KBTBD2: variants seen among roughly 807,000 people sequenced by gnomAD.
KBTBD2 encodes the protein kelch repeat and BTB domain-containing protein 2.
A neutral mutation model predicts 57.1 loss-of-function variants in KBTBD2; 17 were observed. The ratio of observed to expected loss-of-function variants is 0.30; its 90% CI spans 0.20 to 0.45. KBTBD2 has a LOEUF of 0.45. Ranked by LOEUF, KBTBD2 falls within the 20% of genes least tolerant of loss-of-function variation. The pLI is 1.00. For missense variants in KBTBD2, 515 were observed against 750.6 expected, an observed-to-expected ratio of 0.69 and a Z score of 3.67; for synonymous variants, 267 against 262.7, an observed-to-expected ratio of 1.02 and a Z score of -0.16.
At chr7:32,889,426 C>G (rs531977946) in intron 1 of KBTBD2, among the ~76,000 whole-genome samples, 2 of 151,610 alleles carry the variant, frequency 1.3e-5, no homozygotes, top group African/African-American at 4.8e-5. Context: ...CATGGTGAAC[C>G]CTCATCTCTA....
At chr7:32,878,663 G>C (rs1353683779) in intron 2 of KBTBD2, among the ~76,000 whole-genome samples, 1 of 151,778 alleles carries the variant, frequency 6.6e-6, no homozygotes, top group East Asian at 1.9e-4. Flanking sequence ...AATATTTGTA[G>C]TAGAAATATA....
Position 32,879,657 on chromosome 7 carries a change from G to C in KBTBD2, c.-53C>G. On this transcript the variant is annotated 5_prime_UTR_variant, in exon 2 of 4. The change creates a new upstream start codon in the 5' untranslated region. Transcript: ENST00000304056. ...ACAGATTAGAAAAGTCCGTCTTACT[G>C]ATGGAAGGTCAAGTGAATACTTCAG... 6.8e-7 allele frequency: 1 copy of C among 1,464,024 alleles called. No homozygotes were observed. Among genetic ancestry groups the C allele is most frequent in the Non-Finnish European group, 9.5e-7 (1 of 1,056,412 alleles). 90.7% of individuals were successfully genotyped at this position (1,464,024 alleles called of 1,614,324 possible). A position where few individuals can be genotyped will look rare whatever the true frequency, so the allele number is the denominator to read the frequency against.
In KBTBD2 at chr7:32,870,728, C is replaced by T. The variant is rs1784153700; in HGVS notation, c.489G>A (p.Val163=). The T allele has an allele frequency of 6.2e-7, 1 of 1,614,088 alleles. No individual in the cohort carries two copies. Among genetic ancestry groups the T allele is most frequent in the African/African-American group, 1.3e-5 (1 of 74,938 alleles). The change falls in exon 4 of 4, where the codon GTG becomes GTA. Residue 163 remains valine (V), a synonymous_variant. Coordinates refer to ENST00000304056, the MANE Select transcript of KBTBD2 (RefSeq NM_015483.3). ...GCTGCATGAACGCGTCCTGATGATA[C>T]ACAGCAGTGAACTTGTGCTCCACCA... ...KRMVEHKFTA[V]YHQDAFMQLS...
At chr7:32,891,346 G>A (rs1473891288) in intron 1 of KBTBD2, among the ~76,000 whole-genome samples, 190 bp downstream of exon 1, 3 of 147,992 alleles carry the variant, frequency 2.0e-5, no homozygotes, top group Non-Finnish European at 4.5e-5. Context: ...GCGGAGGGCG[G>A]CGCCGGCCGC....
rs1251540098 is a variant in KBTBD2, at chr7:32,868,655, G to A, written c.*690C>T. ...ACGCAGACCCGCACAATGAGTGGCT[G>A]GCAATTCTTACTGCAAGCCTAGCAA... is the stretch of plus-strand genomic sequence containing the variant. On this transcript the variant is annotated 3_prime_UTR_variant, in exon 4 of 4. Transcript: ENST00000304056. The A allele has an allele frequency of 6.6e-6, 1 of 152,556 alleles. No individual in the cohort carries two copies. Among genetic ancestry groups the A allele is most frequent in the Non-Finnish European group, 1.5e-5 (1 of 68,046 alleles). The allele number at this position is 152,556 out of a possible 1,614,324, so 9.5% of individuals were successfully genotyped here. A position where few individuals can be genotyped will look rare whatever the true frequency, so the allele number is the denominator to read the frequency against.
rs767292052 is a variant in KBTBD2 at position 32,870,290 on chromosome 7, C to G, written c.927G>C (p.Gly309=). 4.2e-5 allele frequency: 68 copies of G among 1,613,962 alleles called. No homozygotes were observed. Among genetic ancestry groups the G allele is most frequent in the Non-Finnish European group, 5.6e-5 (66 of 1,180,022 alleles). The part of the protein sequence containing the change: ...CSPPADLHKV[G]TVVTPDNDIY... ...TATCATTATCAGGAGTTACAACGGTCCCAACCTTATGCAAATCAGCTGGTG... is the reference window on the plus strand; with the variant it reads ...TATCATTATCAGGAGTTACAACGGTGCCAACCTTATGCAAATCAGCTGGTG... Residue 309 remains glycine (G), a synonymous_variant, in exon 4 of 4, where the codon GGG becomes GGC. Coordinates refer to ENST00000304056, the MANE Select transcript of KBTBD2 (RefSeq NM_015483.3).
At chr7:32,890,333 T>C (rs1249882019) in intron 1 of KBTBD2, among the ~76,000 whole-genome samples, 2 of 152,144 alleles carry the variant, frequency 1.3e-5, no homozygotes, top group Admixed American at 1.3e-4. Flanking sequence ...AAATTCCACA[T>C]CATCGAGATT....
intron 1 of KBTBD2, among the ~76,000 whole-genome samples, chr7:32,882,070 ATTTTT>A (rs11297643): frequency 4.0e-5 from 6 of 149,170 alleles, no homozygotes; most frequent in Non-Finnish European, 9.0e-5. Context: ...ACTAGCAAAG[ATTTTT>A]TTTTTTTAAC....
intron 1 of KBTBD2, among the ~76,000 whole-genome samples, chr7:32,883,021 AAAATT>A (rs1423932044): frequency 6.6e-6 from 1 of 152,010 alleles, no homozygotes; most frequent in African/African-American, 2.4e-5. Context: ...AATAATAAAT[AAAATT>A]AAGTATCTCA....
chr7:32,876,431 T>C (rs971159381), intron 2 of KBTBD2, among the ~76,000 whole-genome samples: 1 of 152,130 alleles, frequency 6.6e-6, no homozygotes, highest in African/African-American at 2.4e-5. Context: ...CAGAGGGCCT[T>C]TAAATGAGAC....
intron 1 of KBTBD2, among the ~76,000 whole-genome samples, chr7:32,882,985 A>AAAAAC (rs1197805385): frequency 2.0e-5 from 3 of 152,340 alleles, no homozygotes; most frequent in East Asian, 3.9e-4. Context: ...ACTCCGTCTC[A>AAAAAC]AAAACAAAAC....
chr7:32,875,324 T>C lies in KBTBD2; in HGVS notation c.171-167A>G, dbSNP rs571646975. On this transcript the variant is annotated intron_variant, in intron 2 of 3. Transcript: ENST00000304056. ...TCTTGCTCTGTCCCCCAGGCTGGAG[T>C]GCAGTGGTACCATCATGGCTCACCA... Among the ~76,000 whole-genome samples, 5 of 152,238 alleles carry C rather than the reference T, an allele frequency of 3.3e-5. No individual in the cohort carries two copies. The South Asian group carries it at 1.0e-3, about 32-fold the overall frequency.
In KBTBD2 at chr7:32,891,588, C is replaced by G. The variant is rs911371730; in HGVS notation, c.-391G>C. ...ATCCGCTCCAGCCGGTGGCCCCGTC[C>G]ACACTGGGCCCCTCCGGCGCGGCGG... On this transcript the variant is annotated 5_prime_UTR_variant, in exon 1 of 4. Transcript: ENST00000304056. The G allele has an allele frequency of 2.0e-5, 3 of 150,430 alleles. No individual in the cohort carries two copies. Among genetic ancestry groups the G allele is most frequent in the Non-Finnish European group, 4.4e-5 (3 of 67,444 alleles). 9.3% of individuals were successfully genotyped at this position (150,430 alleles called of 1,614,324 possible).
intron 1 of KBTBD2, among the ~76,000 whole-genome samples, chr7:32,883,001 A>C (rs1255973359): frequency 1.3e-5 from 2 of 152,150 alleles, no homozygotes; most frequent in African/African-American, 4.8e-5. Context: ...AAAACAAAAC[A>C]AAAACAAAAA....
At chr7:32,878,448 T>C (rs1045198124) in intron 2 of KBTBD2, among the ~76,000 whole-genome samples, 1 of 151,768 alleles carries the variant, frequency 6.6e-6, no homozygotes, top group African/African-American at 2.4e-5. Context: ...GGCGTGGTGG[T>C]GCGTGCCTGT....
chr7:32,873,411 C>T, intron 3 of KBTBD2, among the ~76,000 whole-genome samples: 1 of 124,190 alleles, frequency 8.1e-6, no homozygotes, highest in Non-Finnish European at 1.7e-5. Flanking sequence ...AAAATTGAAA[C>T]ACTTAAATTC....
chr7:32,876,247 TCACTAACTTGGG>T (rs1005589058), intron 2 of KBTBD2, among the ~76,000 whole-genome samples: 1 of 152,086 alleles, frequency 6.6e-6, no homozygotes, highest in Non-Finnish European at 1.5e-5. Flanking sequence ...GTCACAACAG[TCACTAACTTGGG>T]CACTAACTTG....
In KBTBD2 at chr7:32,879,635, G is replaced by C; in HGVS notation, c.-31C>G. On this transcript the variant is annotated 5_prime_UTR_variant, in exon 2 of 4. The change creates a new upstream start codon in the 5' untranslated region. Coordinates refer to ENST00000304056, the MANE Select transcript of KBTBD2 (RefSeq NM_015483.3). ...TATTCCATTAATATCTCCAGGAACAGATTAGAAAAGTCCGTCTTACTGATG... is the reference window on the plus strand; with the variant it reads ...TATTCCATTAATATCTCCAGGAACACATTAGAAAAGTCCGTCTTACTGATG... 1 of 1,585,812 alleles carries C rather than the reference G, an allele frequency of 6.3e-7. No individual in the cohort carries two copies. Among genetic ancestry groups the C allele is most frequent in the Non-Finnish European group, 8.6e-7 (1 of 1,161,306 alleles).
intron 1 of KBTBD2, among the ~76,000 whole-genome samples, chr7:32,881,507 AG>A (rs1784443937): frequency 6.6e-6 from 1 of 151,928 alleles, no homozygotes; most frequent in African/African-American, 2.4e-5. Flanking sequence ...ATTATGTCAA[AG>A]AGAATGACAT....
Sources: allele counts gnomAD v4.1 joint callset (sites outside exome capture counted in the v4.1 genomes callset), GRCh38; gene constraint gnomAD v4.1.1; transcripts MANE v1.5; gene names NCBI Gene and HGNC (gene_info 2026-07-23, HGNC 2026-07-21).